MZT2A: variants seen among roughly 807,000 people sequenced by gnomAD.
MZT2A encodes the protein mitotic-spindle organizing protein 2A.
A neutral mutation model predicts 12.4 loss-of-function variants in MZT2A; 8 were observed. That is an observed-to-expected ratio of 0.64 (90% CI 0.38 to 1.16). MZT2A has a LOEUF of 1.16. Ranked by LOEUF, MZT2A falls within the 50% of genes most tolerant of loss-of-function variation. The probability of loss-of-function intolerance (pLI) is 0.01; values close to 1 mark genes in which losing one functional copy is unlikely to be tolerated. For missense variants in MZT2A, 181 were observed against 223.6 expected (o/e 0.81, Z 1.22); for synonymous variants, 88 against 107.5 (o/e 0.82, Z 1.12).
intron 2 of MZT2A, chr2:131,478,471 C>G: frequency 7.5e-7 from 1 of 1,336,968 alleles, no homozygotes. Context: ...TTTGAATCCT[C>G]CTGCTGAAAG....
downstream of MZT2A, chr2:131,479,249 T>A: frequency 6.3e-7 from 1 of 1,583,248 alleles, no homozygotes; most frequent in East Asian, 2.2e-5. Context: ...TCCTGGAATG[T>A]GTCCATCTTG....
upstream of MZT2A, chr2:131,492,827 C>T: frequency 6.9e-7 from 1 of 1,457,966 alleles, no homozygotes; most frequent in African/African-American, 1.4e-5. Flanking sequence ...TACGCGCACG[C>T]GCATTCCTTG....
chr2:131,489,279 AT>A (rs1679189625), intron 2 of MZT2A: 1 of 145,238 alleles, frequency 6.9e-6, no homozygotes, highest in Admixed American at 6.9e-5. Flanking sequence ...TCACTGCAAC[AT>A]CCCCCTCAGG....
intron 2 of MZT2A, among the ~76,000 whole-genome samples, chr2:131,488,773 C>T (rs1055952440): frequency 1.1e-4 from 16 of 152,168 alleles, no homozygotes; most frequent in African/African-American, 3.6e-4. Context: ...TCGGTGCCCT[C>T]ATGTCGTGGC....
exon 3 of MZT2A, chr2:131,472,178 C>G (rs1705002495): frequency 7.0e-6 from 9 of 1,287,318 alleles, no homozygotes; most frequent in African/African-American, 1.5e-5. Context: ...AGTTGTCACT[C>G]AAGCCTGTTT....
downstream of MZT2A, chr2:131,483,929 T>C (rs902556533): frequency 2.3e-6 from 3 of 1,300,908 alleles, no homozygotes; most frequent in Admixed American, 3.1e-5. Context: ...TGCCTTAATA[T>C]AAAAAAAAAA....
At chr2:131,482,486 A>C (rs35676146), downstream of MZT2A, 3 of 1,536,528 alleles carry the variant, frequency 2.0e-6, no homozygotes, top group Middle Eastern at 3.5e-4. Flanking sequence ...TGTTTGAGGA[A>C]AAGTAGCTAC....
At chr2:131,472,093 C>T in exon 3 of MZT2A, 2 of 1,290,646 alleles carry the variant, frequency 1.5e-6, no homozygotes, top group Non-Finnish European at 2.0e-6. Flanking sequence ...CTTCTCCTGC[C>T]ACACCATGCG....
At chr2:131,492,106 G>A in intron 1 of MZT2A, 82 bp from the exon 2 acceptor site, 8 of 1,552,984 alleles carry the variant, frequency 5.2e-6, no homozygotes, top group Non-Finnish European at 7.0e-6. Flanking sequence ...GGACGGGGGC[G>A]GGGGCAGCGG....
chr2:131,484,173 G>A lies in MZT2A; in HGVS notation c.365C>T (p.Ala122Val), dbSNP rs569582344. Residue 122 changes from alanine to valine, a missense_variant, in exon 3 of 3, where the codon GCG becomes GTG. By Grantham distance (64) the Ala-to-Val change is moderately conservative (BLOSUM62 0). Coordinates refer to ENST00000309451, the MANE Select transcript of MZT2A (RefSeq NM_001085365.2). ...SAALGGVLAL[A>V]ERSNHEGSSQ... ...GGATCCCTCGTGGTTGCTGCGTTCC[G>A]CCAGGGCCAATACTCCCCCGAGGGC... 1.5e-5 allele frequency: 24 copies of A among 1,614,082 alleles called. 1 individual carries two copies. In the East Asian group the frequency reaches 1.8e-4, roughly 12 times the overall value.
downstream of MZT2A, among the ~76,000 whole-genome samples, chr2:131,481,006 C>T (rs1280895027): frequency 6.6e-6 from 1 of 151,704 alleles, no homozygotes; most frequent in Non-Finnish European, 1.5e-5. Flanking sequence ...CGGGTTCAAA[C>T]AATTCTCTGG....
exon 4 of MZT2A, chr2:131,470,260 C>T (rs1294506991): frequency 2.0e-5 from 17 of 834,450 alleles, no homozygotes; most frequent in Non-Finnish European, 2.8e-5. Context: ...CCAAGAACTC[C>T]TGCAGGGCCA....
chr2:131,488,564 T>C (rs1679151155), intron 2 of MZT2A, among the ~76,000 whole-genome samples: 1 of 141,692 alleles, frequency 7.1e-6, no homozygotes, highest in Non-Finnish European at 1.6e-5. Context: ...CCCCCTGCCA[T>C]ATGGGGTGAC....
At chr2:131,472,894 A>G (rs1409718882) in intron 2 of MZT2A, among the ~76,000 whole-genome samples, 54 of 150,204 alleles carry the variant, frequency 3.6e-4, no homozygotes, top group Middle Eastern at 7.0e-3. Context: ...AGGAAGGGGG[A>G]CTATGGACTG....
upstream of MZT2A, chr2:131,492,656 C>T (rs1158838681): frequency 4.1e-5 from 51 of 1,254,418 alleles, no homozygotes; most frequent in Non-Finnish European, 5.0e-5. Flanking sequence ...TTGCATTGGT[C>T]GTGCTCGCTT....
At chr2:131,493,160 C>T, upstream of MZT2A, 1 of 1,432,938 alleles carries the variant, frequency 7.0e-7, no homozygotes, top group Non-Finnish European at 9.1e-7. Context: ...GCGGGACGCG[C>T]GCGTGAGACG....
intron 2 of MZT2A, among the ~76,000 whole-genome samples, chr2:131,473,552 T>C (rs140362277): frequency 0.15 from 22,204 of 146,534 alleles, 3,249 homozygotes; most frequent in African/African-American, 0.38. Flanking sequence ...TAAGCCAGCA[T>C]GTCTCCTCCA....
chr2:131,479,800 A>G (rs1326703139), downstream of MZT2A, among the ~76,000 whole-genome samples: 13 of 152,282 alleles, frequency 8.5e-5, no homozygotes, highest in African/African-American at 3.1e-4. Context: ...AGATTGCACT[A>G]CTGCACTCTA....
At position 131,470,020 on chromosome 2, in the gene MZT2A, T is replaced by C. The variant is rs868549918; in HGVS notation, c.*110+186A>G. ...GGTTTCACCATGTTGGCCAGGCTGG[T>C]CTCAAACTCCTGACCTCAGGCCATC... On this transcript the variant is annotated intron_variant and NMD_transcript_variant, in intron 4 of 4. Transcript: ENST00000427024. 7.6e-5 allele frequency: 24 copies of C among 314,234 alleles called. No individual in the cohort carries two copies. The Middle Eastern group carries it at 8.5e-3, about 111-fold the overall frequency. The allele number at this position is 314,234 out of a possible 1,614,324, so 19.5% of individuals were successfully genotyped here.
Sources: allele counts gnomAD v4.1 joint callset (sites outside exome capture counted in the v4.1 genomes callset), GRCh38; gene constraint gnomAD v4.1.1; transcripts MANE v1.5; gene names NCBI Gene and HGNC (gene_info 2026-07-23, HGNC 2026-07-21).